The following TNFAIP8L3 variants were observed in gnomAD, a reference collection of about 807,000 sequenced individuals.
TNFAIP8L3 encodes tumor necrosis factor alpha-induced protein 8-like protein 3.
Under a neutral mutation model 11.8 loss-of-function variants are expected in TNFAIP8L3, and 7 were observed. That is an observed-to-expected ratio of 0.59 (90% CI 0.34 to 1.11). The LOEUF (loss-of-function observed/expected upper bound fraction) is 1.11. Ranked by LOEUF, TNFAIP8L3 falls within the 50% of genes most tolerant of loss-of-function variation. TNFAIP8L3 has a pLI of 0.03. For missense variants in TNFAIP8L3, 219 were observed against 258.6 expected, an observed-to-expected ratio of 0.85 and a Z score of 1.05; for synonymous variants, 98 against 103.8, an observed-to-expected ratio of 0.94 and a Z score of 0.34.
At chr15:51,098,942 CATCA>C (rs1462593593), upstream of TNFAIP8L3, among the ~76,000 whole-genome samples, 9 of 152,208 alleles carry the variant, frequency 5.9e-5, no homozygotes, top group Non-Finnish European at 1.3e-4. Context: ...GCTATAATAG[CATCA>C]ATCAATATCC....
intron 1 of TNFAIP8L3, among the ~76,000 whole-genome samples, chr15:51,062,453 G>A (rs2065247434): frequency 6.6e-6 from 1 of 152,100 alleles, no homozygotes; most frequent in South Asian, 2.1e-4. Context: ...TTTCTTCTTA[G>A]GTAGATGAGT....
chr15:51,097,408 G>A (rs1156369033), upstream of TNFAIP8L3, among the ~76,000 whole-genome samples: 2 of 152,150 alleles, frequency 1.3e-5, no homozygotes, highest in African/African-American at 2.4e-5. Context: ...TTTGGGCATG[G>A]GGGGGAGAGA....
chr15:51,102,456 T>G (rs1252282382), intron 1 of TNFAIP8L3, among the ~76,000 whole-genome samples: 2 of 152,200 alleles, frequency 1.3e-5, no homozygotes, highest in Non-Finnish European at 2.9e-5. Flanking sequence ...TGGAACCTTT[T>G]GTTCCTCCCT....
chr15:51,060,826 A>C (rs953957243), intron 1 of TNFAIP8L3, among the ~76,000 whole-genome samples: 1 of 152,172 alleles, frequency 6.6e-6, no homozygotes. Context: ...ACATATCCCC[A>C]TAAGATTTAT....
chr15:51,058,537 C>G, intron 1 of TNFAIP8L3, 94 bp from the exon 2 acceptor site: 2 of 1,180,928 alleles, frequency 1.7e-6, no homozygotes, highest in Non-Finnish European at 2.3e-6. Flanking sequence ...AACTTATGTT[C>G]TTAGAGCAAA....
chr15:51,085,763 T>C (rs1408702633), intron 1 of TNFAIP8L3, among the ~76,000 whole-genome samples: 2 of 152,188 alleles, frequency 1.3e-5, no homozygotes, highest in African/African-American at 4.8e-5. Flanking sequence ...GAAACAGGAC[T>C]CTCATTCTTT....
At chr15:51,096,623 G>A (rs1360789893), upstream of TNFAIP8L3, among the ~76,000 whole-genome samples, 2 of 152,198 alleles carry the variant, frequency 1.3e-5, no homozygotes, top group Non-Finnish European at 1.5e-5. Flanking sequence ...CGGGCACGGT[G>A]GCTCACGCCT....
chr15:51,066,084 A>AG (rs2065269355), intron 1 of TNFAIP8L3, among the ~76,000 whole-genome samples: 1 of 151,436 alleles, frequency 6.6e-6, no homozygotes. Flanking sequence ...AAAAAAAAAA[A>AG]CAAAAAATGG....
chr15:51,093,888 C>G (rs920951645), intron 1 of TNFAIP8L3, among the ~76,000 whole-genome samples: 12 of 152,242 alleles, frequency 7.9e-5, no homozygotes, highest in African/African-American at 2.4e-4. Flanking sequence ...TAATAACTAT[C>G]GATTGTGAAA....
chr15:51,086,260 G>A (rs1334120055), intron 1 of TNFAIP8L3, among the ~76,000 whole-genome samples: 1 of 152,214 alleles, frequency 6.6e-6, no homozygotes, highest in Admixed American at 6.5e-5. Flanking sequence ...AGAAGCCCAC[G>A]GCTGGAGCGT....
rs1382647350 is a variant in TNFAIP8L3 at position 51,057,087 on chromosome 15, T to C, written c.*794A>G. ...ACCACGCCTGGCTAATTTTTGTAAT[T>C]TTAGTAGAGATAGGGTTTCATCATG... On this transcript the variant is annotated 3_prime_UTR_variant, in exon 2 of 2. Coordinates refer to ENST00000637513, the MANE Select transcript of TNFAIP8L3 (RefSeq NM_001311175.2). 6.6e-6 allele frequency: 1 copy of C among 151,890 alleles called. No individual in the cohort carries two copies. Among genetic ancestry groups the C allele is most frequent in the Non-Finnish European group, 1.5e-5 (1 of 67,988 alleles). The allele number at this position is 151,890 out of a possible 1,614,324, so 9.4% of individuals were successfully genotyped here. A position where few individuals can be genotyped will look rare whatever the true frequency, so the allele number is the denominator to read the frequency against.
intron 1 of TNFAIP8L3, among the ~76,000 whole-genome samples, chr15:51,085,016 A>G (rs1285684244): frequency 6.6e-6 from 1 of 152,218 alleles, no homozygotes; most frequent in Admixed American, 6.5e-5. Flanking sequence ...AAAGAAAAAT[A>G]GAGTCACAAA....
intron 1 of TNFAIP8L3, among the ~76,000 whole-genome samples, chr15:51,072,712 C>T (rs1442428502): frequency 1.3e-5 from 2 of 152,032 alleles, no homozygotes; most frequent in African/African-American, 2.4e-5. Context: ...ATCTGGTAGG[C>T]CCCTTCTTTT....
chr15:51,096,116 C>T (rs2065512160), upstream of TNFAIP8L3, among the ~76,000 whole-genome samples: 2 of 152,126 alleles, frequency 1.3e-5, no homozygotes, highest in African/African-American at 4.8e-5. Context: ...TCAGGTCGTC[C>T]AGTAGGTGGG....
At chr15:51,084,841 A>G (rs2065415780) in intron 1 of TNFAIP8L3, among the ~76,000 whole-genome samples, 1 of 152,230 alleles carries the variant, frequency 6.6e-6, no homozygotes, top group African/African-American at 2.4e-5. Flanking sequence ...AGCTATTGTT[A>G]TAAGAATGGA....
At chr15:51,072,763 T>C (rs962000740) in intron 1 of TNFAIP8L3, among the ~76,000 whole-genome samples, 14 of 152,114 alleles carry the variant, frequency 9.2e-5, no homozygotes, top group Non-Finnish European at 1.9e-4. Flanking sequence ...TTTTTGAGTT[T>C]TTTACTCTGT....
intron 1 of TNFAIP8L3, among the ~76,000 whole-genome samples, chr15:51,073,828 A>G (rs905307874): frequency 2.0e-5 from 3 of 152,182 alleles, no homozygotes; most frequent in African/African-American, 7.2e-5. Context: ...TTATCAAGTT[A>G]TCTTCCTTTT....
chr15:51,074,649 G>T (rs1411402543), intron 1 of TNFAIP8L3, among the ~76,000 whole-genome samples: 2 of 152,172 alleles, frequency 1.3e-5, no homozygotes, highest in Non-Finnish European at 2.9e-5. Flanking sequence ...AAATGGTTTT[G>T]CCCTAACCCA....
intron 1 of TNFAIP8L3, among the ~76,000 whole-genome samples, chr15:51,087,883 T>C (rs2140978984): frequency 7.3e-6 from 1 of 137,292 alleles, no homozygotes; most frequent in South Asian, 2.4e-4. Context: ...AGAACATTTC[T>C]GATATGTAAT....
Sources: gnomAD v4.1 joint callset for allele counts (sites outside exome capture counted in the v4.1 genomes callset) on GRCh38, gnomAD v4.1.1 for gene constraint, MANE v1.5 for transcripts, NCBI Gene and HGNC (gene_info 2026-07-23, HGNC 2026-07-21) for gene names.